ZNF438: variants seen among roughly 807,000 people sequenced by gnomAD.
ZNF438 encodes the protein zinc finger protein 438.
Under a neutral mutation model 38.0 loss-of-function variants are expected in ZNF438, and 25 were observed. That is an observed-to-expected ratio of 0.66 (90% CI 0.48 to 0.92). The LOEUF (loss-of-function observed/expected upper bound fraction) is 0.92. Among genes scored for constraint, ZNF438 ranks in the 40% least tolerant of loss-of-function variants. ZNF438 has a pLI of 0.00. For missense variants in ZNF438, 1,007 were observed against 999.6 expected, an observed-to-expected ratio of 1.01 and a Z score of -0.10; for synonymous variants, 372 against 364.1, an observed-to-expected ratio of 1.02 and a Z score of -0.25.
chr10:30,988,070 A>G (rs1000112791), intron 1 of ZNF438, among the ~76,000 whole-genome samples: 13 of 152,168 alleles, frequency 8.5e-5, no homozygotes, highest in Admixed American at 1.3e-4. Flanking sequence ...GACACAATTT[A>G]TTTGACAAGT....
At chr10:30,959,139 G>T (rs2049184702) in intron 1 of ZNF438, among the ~76,000 whole-genome samples, 1 of 147,272 alleles carries the variant, frequency 6.8e-6, no homozygotes, top group Non-Finnish European at 1.5e-5. Context: ...GTATCAGTTT[G>T]GCTGGACCAC....
chr10:30,942,859 C>T (rs980567907), intron 1 of ZNF438, among the ~76,000 whole-genome samples: 2 of 152,200 alleles, frequency 1.3e-5, no homozygotes, highest in African/African-American at 4.8e-5. Context: ...AAGAGGCCTT[C>T]CACAAAATAC....
chr10:30,848,519 A>AG lies in ZNF438; in HGVS notation c.1874+11_1874+12insC, dbSNP rs2032821819. ...GACTCTCTTGCCAGGTCTCCATTAC[A>AG]TTGGCACTCACCTCTCCAATGATCC... On this transcript the variant is annotated intron_variant, in intron 5 of 5. Coordinates refer to ENST00000413025, the Ensembl canonical transcript of ZNF438. The AG allele has an allele frequency of 1.2e-6, 2 of 1,601,694 alleles. No individual in the cohort carries two copies. The highest frequency in any genetic ancestry group is 2.7e-5 in the African/African-American group (2 of 74,630).
intron 4 of ZNF438, among the ~76,000 whole-genome samples, chr10:30,870,495 T>C (rs1369413344): frequency 6.6e-6 from 1 of 152,126 alleles, no homozygotes; most frequent in Non-Finnish European, 1.5e-5. Context: ...GTCTCCAGCA[T>C]AGTGCTGGGT....
chr10:30,950,999 A>G (rs1439013516), intron 1 of ZNF438, among the ~76,000 whole-genome samples: 3 of 140,866 alleles, frequency 2.1e-5, no homozygotes, highest in East Asian at 2.0e-4. Context: ...AAAATCCTCA[A>G]TAAAATACTG....
chr10:30,876,950 T>TA (rs756954310), intron 4 of ZNF438, 48 bp downstream of exon 5: 1 of 1,496,440 alleles, frequency 6.7e-7, no homozygotes, highest in Non-Finnish European at 9.1e-7. Context: ...TGTATCAAAT[T>TA]AAAACTATAA....
rs115800640 is a variant in ZNF438 at position 30,888,207 on chromosome 10, C to T, written c.-31-11142G>A. Among the ~76,000 whole-genome samples the T allele has an allele frequency of 4.0e-3, 614 of 152,154 alleles. 7 individuals carry two copies. Among genetic ancestry groups the T allele is most frequent in the African/African-American group, 0.014 (576 of 41,488 alleles). ...GACCACTTAACTTTAGAAGCAATTGCTTGTTCTCCATAGTGGTTGTACTAT... is the reference window on the plus strand; with the variant it reads ...GACCACTTAACTTTAGAAGCAATTGTTTGTTCTCCATAGTGGTTGTACTAT... On this transcript the variant is annotated intron_variant, in intron 3 of 5. Coordinates refer to ENST00000413025, the Ensembl canonical transcript of ZNF438.
At chr10:30,846,675 G>T (rs1422708503) in intron 5 of ZNF438, among the ~76,000 whole-genome samples, 2 of 152,186 alleles carry the variant, frequency 1.3e-5, no homozygotes, top group African/African-American at 4.8e-5. Context: ...CTGTGACCCA[G>T]GCACCCCTGT....
intron 3 of ZNF438, among the ~76,000 whole-genome samples, chr10:30,884,085 A>G (rs1051575838): frequency 1.3e-5 from 2 of 152,162 alleles, no homozygotes; most frequent in Non-Finnish European, 2.9e-5. Flanking sequence ...TTGCAATCAG[A>G]AAAAAATGTT....
chr10:30,951,150 CAT>C lies in ZNF438; in HGVS notation c.-191-9501_-191-9500del, dbSNP rs1252401077. Reference sequence around the variant, plus strand: ...TAAACAGAGCCAAAGACAAAAACCACATGATTATCTCAATAGATGCAGAAAAA... The same window carrying C: ...TAAACAGAGCCAAAGACAAAAACCACGATTATCTCAATAGATGCAGAAAAA... On this transcript the variant is annotated intron_variant, in intron 1 of 5. Transcript: ENST00000413025. Among the ~76,000 whole-genome samples, 11 of 150,634 alleles carry C rather than the reference CAT, an allele frequency of 7.3e-5. No individual in the cohort carries two copies. The South Asian group carries it at 1.7e-3, about 23-fold the overall frequency.
intron 2 of ZNF438, among the ~76,000 whole-genome samples, chr10:30,926,629 G>A (rs779638664): frequency 5.6e-4 from 84 of 151,182 alleles, no homozygotes; most frequent in Non-Finnish European, 1.1e-3. Flanking sequence ...TTGTGCCACT[G>A]CACTCCAGCC....
At chr10:30,901,655 G>A (rs899094429) in intron 3 of ZNF438, among the ~76,000 whole-genome samples, 4 of 152,024 alleles carry the variant, frequency 2.6e-5, no homozygotes, top group South Asian at 2.1e-4. Context: ...GGCAATAGGC[G>A]ATGGTCTCAC....
At chr10:30,900,071 C>G (rs907350696) in intron 3 of ZNF438, among the ~76,000 whole-genome samples, 1 of 152,160 alleles carries the variant, frequency 6.6e-6, no homozygotes, top group Non-Finnish European at 1.5e-5. Context: ...GTGGACCCTA[C>G]CATCTGTGTC....
At chr10:30,852,208 CTTTTTTCT>C (rs1361786791) in intron 4 of ZNF438, among the ~76,000 whole-genome samples, 1 of 128,584 alleles carries the variant, frequency 7.8e-6, no homozygotes, top group Non-Finnish European at 1.7e-5. Flanking sequence ...CCTTGATTTT[CTTTTTTCT>C]TTTTTTTTTT....
chr10:30,932,896 T>C (rs10826892), intron 2 of ZNF438, among the ~76,000 whole-genome samples: 63,419 of 151,964 alleles, frequency 0.42, 13,344 homozygotes, highest in Admixed American at 0.45. Flanking sequence ...TGGAATCAGA[T>C]TGGCATCATG....
At chr10:30,910,764 A>G (rs2043001496) in intron 2 of ZNF438, among the ~76,000 whole-genome samples, 1 of 149,594 alleles carries the variant, frequency 6.7e-6, no homozygotes, top group Non-Finnish European at 1.5e-5. Context: ...ACTATTTCTT[A>G]GTATGTTCTT....
intron 4 of ZNF438, among the ~76,000 whole-genome samples, chr10:30,873,743 A>T (rs1385775385): frequency 1.3e-5 from 2 of 152,206 alleles, no homozygotes; most frequent in African/African-American, 4.8e-5. Context: ...TCTTCATAGC[A>T]TCTGATAGTT....
chr10:30,892,402 T>C (rs2040805561), intron 3 of ZNF438, among the ~76,000 whole-genome samples: 1 of 152,148 alleles, frequency 6.6e-6, no homozygotes, highest in African/African-American at 2.4e-5. Flanking sequence ...GTGAATGTGG[T>C]CTCTATCAAA....
chr10:30,929,632 T>C (rs2045394894), intron 2 of ZNF438, among the ~76,000 whole-genome samples: 1 of 152,242 alleles, frequency 6.6e-6, no homozygotes. Context: ...TGCGGTAGCC[T>C]GCTTTTATTC....
Sources: allele counts gnomAD v4.1 joint callset (sites outside exome capture counted in the v4.1 genomes callset), GRCh38; gene constraint gnomAD v4.1.1; transcripts MANE v1.5; gene names NCBI Gene and HGNC (gene_info 2026-07-23, HGNC 2026-07-21).